GPR19: variants seen among roughly 807,000 people sequenced by gnomAD.
GPR19 encodes probable G protein-coupled receptor 19.
Under a neutral mutation model 28.5 loss-of-function variants are expected in GPR19, and 14 were observed. The observed-to-expected ratio is 0.49, with a 90% CI of 0.32 to 0.77. The LOEUF is 0.77. Ranked by LOEUF, GPR19 falls within the 30% of genes least tolerant of loss-of-function variation. The probability of loss-of-function intolerance (pLI) is 0.03; values close to 1 mark genes in which losing one functional copy is unlikely to be tolerated. For missense variants in GPR19, 409 were observed against 504.1 expected (o/e 0.81, Z 1.81); for synonymous variants, 173 against 184.1 (o/e 0.94, Z 0.49).
At chr12:12,708,717 G>C in the GPR19 span, among the ~76,000 whole-genome samples, 1 of 152,208 alleles carries the variant, frequency 6.6e-6, no homozygotes, top group Non-Finnish European at 1.5e-5. Context: ...GTGGTCTTAT[G>C]AGGATCAAAT....
upstream of GPR19, among the ~76,000 whole-genome samples, chr12:12,697,664 T>A (rs1946286714): frequency 6.6e-6 from 1 of 152,238 alleles, no homozygotes; most frequent in Non-Finnish European, 1.5e-5. Flanking sequence ...GCAGAGAATA[T>A]GTATGGACAT....
At chr12:12,688,589 C>G (rs1255467429) in intron 2 of GPR19, 1 of 152,264 alleles carries the variant, frequency 6.6e-6, no homozygotes, top group Non-Finnish European at 1.5e-5. Context: ...CCAAGTCCCT[C>G]AAACCTCATT....
chr12:12,705,540 C>T, the GPR19 span, among the ~76,000 whole-genome samples: 1 of 151,558 alleles, frequency 6.6e-6, no homozygotes, highest in Non-Finnish European at 1.5e-5. Context: ...GGTCATTTGT[C>T]AGCATGGCAA....
rs11055009 is a variant in GPR19, at chr12:12,665,031, T to C, written c.-22-2561A>G. On this transcript the variant is annotated intron_variant, in intron 3 of 3. Transcript: ENST00000651487. Reference sequence around the variant, plus strand: ...ATACATATAAGATTGAAATCATCTTTTCGCCTTCATGTGTGTAAAACCTAT... The same window carrying C: ...ATACATATAAGATTGAAATCATCTTCTCGCCTTCATGTGTGTAAAACCTAT... Among the ~76,000 whole-genome samples the C allele has an allele frequency of 5.3e-5, 8 of 151,826 alleles. No individual in the cohort carries two copies. In the East Asian group the frequency reaches 1.5e-3, roughly 29 times the overall value.
the GPR19 span, among the ~76,000 whole-genome samples, chr12:12,707,104 T>C: frequency 1.3e-5 from 2 of 152,184 alleles, no homozygotes; most frequent in Non-Finnish European, 2.9e-5. Context: ...TCCAGCTTAC[T>C]AGTTCCCTTA....
chr12:12,709,843 A>C, the GPR19 span, among the ~76,000 whole-genome samples: 1 of 152,028 alleles, frequency 6.6e-6, no homozygotes, highest in South Asian at 2.1e-4. Context: ...TTGATTCCAA[A>C]TTTTCGGGAG....
At chr12:12,683,127 T>A (rs1012522870) in intron 3 of GPR19, among the ~76,000 whole-genome samples, 1 of 152,184 alleles carries the variant, frequency 6.6e-6, no homozygotes, top group African/African-American at 2.4e-5. Context: ...ACCCATGATA[T>A]AATTCTAGAT....
intron 3 of GPR19, among the ~76,000 whole-genome samples, chr12:12,666,897 A>G (rs1189640325): frequency 6.6e-6 from 1 of 152,208 alleles, no homozygotes; most frequent in East Asian, 1.9e-4. Flanking sequence ...TGAAGCTACC[A>G]GGTCAACTGC....
the GPR19 span, among the ~76,000 whole-genome samples, chr12:12,714,007 G>A: frequency 0.029 from 4,366 of 152,046 alleles, 207 homozygotes; most frequent in African/African-American, 0.099. Context: ...CCCCTTTTTG[G>A]AATGTCAGCA....
At chr12:12,682,830 C>T (rs1946041972) in intron 3 of GPR19, among the ~76,000 whole-genome samples, 5 of 152,190 alleles carry the variant, frequency 3.3e-5, no homozygotes, top group East Asian at 3.9e-4. Flanking sequence ...AATCTTTATA[C>T]CTCAGAAATT....
chr12:12,679,132 G>A (rs1945982588), intron 3 of GPR19, among the ~76,000 whole-genome samples: 1 of 152,100 alleles, frequency 6.6e-6, no homozygotes, highest in Non-Finnish European at 1.5e-5. Context: ...AGGCTATATA[G>A]TATGGTGGCT....
the GPR19 span, among the ~76,000 whole-genome samples, chr12:12,701,282 TTTAA>T: frequency 6.6e-6 from 1 of 152,228 alleles, no homozygotes; most frequent in African/African-American, 2.4e-5. Context: ...AGGTTTTCTC[TTTAA>T]TTGTGAGAAG....
intron 3 of GPR19, among the ~76,000 whole-genome samples, chr12:12,673,286 A>G (rs1456212304): frequency 6.6e-6 from 1 of 152,170 alleles, no homozygotes; most frequent in Non-Finnish European, 1.5e-5. Flanking sequence ...AAAAGGAAAG[A>G]GGTGTGTAGT....
the GPR19 span, among the ~76,000 whole-genome samples, chr12:12,712,523 A>C: frequency 2.0e-5 from 3 of 152,076 alleles, no homozygotes; most frequent in Non-Finnish European, 4.4e-5. Flanking sequence ...ATCCCCACTT[A>C]CCACCCCTAC....
the GPR19 span, among the ~76,000 whole-genome samples, chr12:12,707,071 C>T: frequency 2.7e-5 from 3 of 113,174 alleles, no homozygotes; most frequent in Non-Finnish European, 6.7e-5. Context: ...ATCTCCTACT[C>T]CCCAGCCCCC....
chr12:12,671,291 G>A (rs1359733485), intron 3 of GPR19, among the ~76,000 whole-genome samples: 1 of 136,122 alleles, frequency 7.3e-6, no homozygotes, highest in Non-Finnish European at 1.6e-5. Flanking sequence ...AGACAACACA[G>A]TGAGACTCCC....
chr12:12,687,205 GA>G (rs1332477482), intron 2 of GPR19, among the ~76,000 whole-genome samples: 2 of 151,972 alleles, frequency 1.3e-5, no homozygotes, highest in African/African-American at 2.4e-5. Context: ...AAAAGGAATG[GA>G]AAAAAAGAAA....
rs370238034 is a variant in GPR19, at chr12:12,692,512, C to T, written c.-180+2947G>A. On this transcript the variant is annotated intron_variant, in intron 2 of 3. Transcript: ENST00000651487. Reference sequence around the variant, plus strand: ...TCTCCCAAAGTGCTAGGATTACAGGCGTGAGCTACTGCGCCTGACTCAAAT... The same window carrying T: ...TCTCCCAAAGTGCTAGGATTACAGGTGTGAGCTACTGCGCCTGACTCAAAT... Among the ~76,000 whole-genome samples, 13 of 152,130 alleles carry T rather than the reference C, an allele frequency of 8.5e-5. No homozygotes were observed. In the East Asian group the frequency reaches 1.9e-3, roughly 23 times the overall value.
At chr12:12,689,943 T>C (rs1946159865) in intron 2 of GPR19, among the ~76,000 whole-genome samples, 1 of 152,176 alleles carries the variant, frequency 6.6e-6, no homozygotes, top group Admixed American at 6.5e-5. Flanking sequence ...ACCTTGTGAG[T>C]GAGCTGCCTT....
Sources: gnomAD v4.1 joint callset for allele counts (sites outside exome capture counted in the v4.1 genomes callset) on GRCh38, gnomAD v4.1.1 for gene constraint, MANE v1.5 for transcripts, NCBI Gene and HGNC (gene_info 2026-07-23, HGNC 2026-07-21) for gene names.